The following ZNF717 variants were observed in gnomAD, a reference collection of about 807,000 sequenced individuals.
ZNF717 encodes zinc finger protein 717.
ZNF717 carries 9 observed loss-of-function variants against 13.8 expected under a neutral mutation model. The ratio of observed to expected loss-of-function variants is 0.65; its 90% CI spans 0.39 to 1.14. The LOEUF (loss-of-function observed/expected upper bound fraction) is 1.14, where lower values mean the gene tolerates loss of function less well. Ranked by LOEUF, ZNF717 falls within the 50% of genes most tolerant of loss-of-function variation. ZNF717 has a pLI of 0.01. For synonymous variants in ZNF717, 327 were observed against 364.1 expected, an observed-to-expected ratio of 0.90 and a Z score of 1.16; for missense variants, 1,040 against 1,080.7, an observed-to-expected ratio of 0.96 and a Z score of 0.53.
At chr3:75,707,584 G>A (rs1299171198), downstream of ZNF717, among the ~76,000 whole-genome samples, 1 of 152,282 alleles carries the variant, frequency 6.6e-6, no homozygotes, top group Admixed American at 6.5e-5. Flanking sequence ...TCTCACTAGG[G>A]AGTGCCAGAC....
intron 2 of ZNF717, among the ~76,000 whole-genome samples, chr3:75,768,220 C>T (rs1943629985): frequency 6.6e-6 from 1 of 152,206 alleles, no homozygotes; most frequent in African/African-American, 2.4e-5. Flanking sequence ...GTTTTCACAC[C>T]AGTCCCCTCA....
chr3:75,714,405 A>G (rs77741926), intron 5 of ZNF717, among the ~76,000 whole-genome samples: 1 of 152,038 alleles, frequency 6.6e-6, no homozygotes, highest in African/African-American at 2.4e-5. Flanking sequence ...CTCAGCTCCT[A>G]TCTCTGTATG....
downstream of ZNF717, among the ~76,000 whole-genome samples, chr3:75,707,651 C>A (rs1280379750): frequency 6.6e-6 from 1 of 152,316 alleles, no homozygotes; most frequent in East Asian, 1.9e-4. Flanking sequence ...CAGAGTGAGG[C>A]ATTGCCTCAC....
At chr3:75,777,233 A>T (rs9828319) in intron 2 of ZNF717, among the ~76,000 whole-genome samples, 1 of 143,444 alleles carries the variant, frequency 7.0e-6, no homozygotes, top group African/African-American at 2.7e-5. Context: ...ATGCTAAACC[A>T]GAAACCCAAA....
At chr3:75,756,851 T>C (rs891239058) in intron 2 of ZNF717, among the ~76,000 whole-genome samples, 4 of 152,170 alleles carry the variant, frequency 2.6e-5, no homozygotes, top group African/African-American at 4.8e-5. Context: ...ATGTTTTGTA[T>C]TTTTAGTAGA....
intron 2 of ZNF717, among the ~76,000 whole-genome samples, chr3:75,775,505 G>T (rs1182394657): frequency 0.049 from 4,202 of 86,160 alleles, no homozygotes; most frequent in Admixed American, 0.067. Flanking sequence ...TGAATATCAT[G>T]GGTAAATATT....
downstream of ZNF717, among the ~76,000 whole-genome samples, chr3:75,735,663 G>A (rs376762661): frequency 0.09 from 3,479 of 38,740 alleles, 34 homozygotes; most frequent in South Asian, 0.13. Flanking sequence ...AAAAAGCAAC[G>A]AGAGGAAACA....
intron 2 of ZNF717, among the ~76,000 whole-genome samples, chr3:75,781,473 GAACT>G (rs768465083): frequency 2.0e-5 from 3 of 152,086 alleles, no homozygotes; most frequent in Non-Finnish European, 2.9e-5. Flanking sequence ...TCTTTTAACA[GAACT>G]AACACAGAAG....
chr3:75,695,712 C>A (rs1575756157), intron 6 of ZNF717, among the ~76,000 whole-genome samples: 2 of 152,156 alleles, frequency 1.3e-5, no homozygotes, highest in Admixed American at 1.3e-4. Context: ...AAACAATATG[C>A]TCCTGAATGA....
intron 5 of ZNF717, chr3:75,730,656 T>C: frequency 2.8e-6 from 2 of 701,868 alleles, no homozygotes; most frequent in East Asian, 2.7e-5. Flanking sequence ...AGAATTTCAA[T>C]GGTACCTGAA....
At chr3:75,784,673 A>G (rs1576017580) in intron 1 of ZNF717, 1 of 152,254 alleles carries the variant, frequency 6.6e-6, no homozygotes, top group South Asian at 2.1e-4. Flanking sequence ...ATTCACCTCA[A>G]CCTTCTGAAA....
chr3:75,723,714 A>G (rs1938216548), intron 4 of ZNF717, among the ~76,000 whole-genome samples: 1 of 54,076 alleles, frequency 1.8e-5, no homozygotes, highest in Admixed American at 2.1e-4. Flanking sequence ...GTCTAGCGGT[A>G]ACACCAGCGC....
At chr3:75,764,998 T>TATA (rs1943331227) in intron 2 of ZNF717, among the ~76,000 whole-genome samples, 1 of 22,812 alleles carries the variant, frequency 4.4e-5, no homozygotes, top group African/African-American at 1.7e-4. Context: ...AGGATATATA[T>TATA]ATATATATAT....
chr3:75,699,091 G>A (rs1191693860), intron 6 of ZNF717, among the ~76,000 whole-genome samples: 1 of 152,224 alleles, frequency 6.6e-6, no homozygotes, highest in Admixed American at 6.5e-5. Flanking sequence ...TGGGTCCTGT[G>A]GTCCATTTCT....
At chr3:75,775,682 G>A (rs200568801) in intron 2 of ZNF717, among the ~76,000 whole-genome samples, 276 of 152,056 alleles carry the variant, frequency 1.8e-3, no homozygotes, top group African/African-American at 6.0e-3. Context: ...GTGAAACCCC[G>A]CCTCTACTAA....
chr3:75,729,615 CAAAAAA>C (rs369485280), downstream of ZNF717, among the ~76,000 whole-genome samples: 1 of 115,548 alleles, frequency 8.7e-6, no homozygotes, highest in Non-Finnish European at 1.7e-5. Flanking sequence ...AACTCCATAT[CAAAAAA>C]AAAAAAAAAA....
chr3:75,721,851 G>A (rs1317726913), intron 4 of ZNF717, among the ~76,000 whole-genome samples: 9 of 44,450 alleles, frequency 2.0e-4, no homozygotes, highest in Admixed American at 1.8e-3. Context: ...TAAGTTAAAA[G>A]GAAAAAAAAA....
chr3:75,721,289 T>TA (rs1938160560), intron 4 of ZNF717, among the ~76,000 whole-genome samples: 1 of 152,224 alleles, frequency 6.6e-6, no homozygotes, highest in Non-Finnish European at 1.5e-5. Context: ...TTTATTTATT[T>TA]ATTTATTTTT....
At chr3:75,774,438 C>CT (rs1327213490) in intron 2 of ZNF717, among the ~76,000 whole-genome samples, 1 of 152,010 alleles carries the variant, frequency 6.6e-6, no homozygotes, top group Non-Finnish European at 1.5e-5. Flanking sequence ...CTTTGGGATG[C>CT]TACAGAGGCC....
Sources: allele counts gnomAD v4.1 joint callset (sites outside exome capture counted in the v4.1 genomes callset), GRCh38; gene constraint gnomAD v4.1.1; transcripts MANE v1.5; gene names NCBI Gene and HGNC (gene_info 2026-07-23, HGNC 2026-07-21).